CCDC171: variants seen among roughly 807,000 people sequenced by gnomAD.
The protein encoded by CCDC171 is coiled-coil domain-containing protein 171.
Under a neutral mutation model 168.2 loss-of-function variants are expected in CCDC171, and 177 were observed. That is an observed-to-expected ratio of 1.05 (90% CI 0.93 to 1.19). The LOEUF is 1.19. Among genes scored for constraint, CCDC171 ranks in the 50% most tolerant of loss-of-function variants. The pLI is 0.00. For missense variants in CCDC171, 1,991 were observed against 1,539.0 expected (o/e 1.29, Z -4.91); for synonymous variants, 687 against 540.8 (o/e 1.27, Z -3.75).
chr9:15,854,224 G>T (rs1401182833), intron 23 of CCDC171, among the ~76,000 whole-genome samples: 1 of 150,974 alleles, frequency 6.6e-6, no homozygotes, highest in Non-Finnish European at 1.5e-5. Context: ...GAAACTTTCT[G>T]GGCCTGGACT....
At chr9:15,580,675 A>G (rs994687882) in intron 4 of CCDC171, among the ~76,000 whole-genome samples, 2 of 152,226 alleles carry the variant, frequency 1.3e-5, no homozygotes, top group East Asian at 1.9e-4. Context: ...CAAAAGCGCA[A>G]TGAGATACCA....
intron 18 of CCDC171, among the ~76,000 whole-genome samples, chr9:15,773,066 A>G (rs1212673488): frequency 5.3e-5 from 8 of 152,012 alleles, no homozygotes; most frequent in Non-Finnish European, 1.0e-4. Context: ...CATTATTTTA[A>G]ACGTTACTAA....
At chr9:16,029,546 G>C (rs1833333808) in intron 6 of CCDC171, among the ~76,000 whole-genome samples, 1 of 152,232 alleles carries the variant, frequency 6.6e-6, no homozygotes, top group Non-Finnish European at 1.5e-5. Flanking sequence ...GGGGCAGTAG[G>C]AGTGCTCTGT....
At chr9:15,822,155 T>C (rs1299845642) in intron 21 of CCDC171, among the ~76,000 whole-genome samples, 1 of 152,186 alleles carries the variant, frequency 6.6e-6, no homozygotes, top group African/African-American at 2.4e-5. Context: ...ACTGGATCCC[T>C]TCCTTACACC....
chr9:15,744,479 A>T lies in CCDC171; in HGVS notation c.2256A>T (p.Arg752Ser). ...YSRSCALSTQ[R>S]DFLQEQVNTF... ...GATCATGCGCCTTGTCTACACAGAG[A>T]GATTTTCTCCAGGAGCAGGTCAACA... The change falls in exon 17 of 26, where the codon AGA (arginine) becomes AGT (serine). Residue 752 changes from arginine to serine, a missense_variant. Arg to Ser is a moderately radical substitution (Grantham distance 110). Transcript: ENST00000380701. 6.2e-7 allele frequency: 1 copy of T among 1,614,178 alleles called. No individual in the cohort carries two copies. The highest frequency in any genetic ancestry group is 1.1e-5 in the South Asian group (1 of 91,080).
chr9:15,917,058 G>A (rs1371336412), intron 24 of CCDC171, among the ~76,000 whole-genome samples: 1 of 151,890 alleles, frequency 6.6e-6, no homozygotes, highest in African/African-American at 2.4e-5. Flanking sequence ...TGTCGTAGAG[G>A]GTTAGACAGT....
chr9:15,949,017 A>G (rs1828780959), intron 25 of CCDC171, among the ~76,000 whole-genome samples: 1 of 152,120 alleles, frequency 6.6e-6, no homozygotes, highest in African/African-American at 2.4e-5. Flanking sequence ...TAAGGAAGGG[A>G]TCCAGTTTCA....
chr9:15,605,515 TAAA>T (rs71325923), intron 6 of CCDC171, among the ~76,000 whole-genome samples: 3 of 99,150 alleles, frequency 3.0e-5, no homozygotes, highest in Admixed American at 1.1e-4. Context: ...CTGTCTCTAC[TAAA>T]AAAAAAAAAA....
At chr9:15,553,742 C>G (rs994243878) in intron 1 of CCDC171, 6 of 152,194 alleles carry the variant, frequency 3.9e-5, no homozygotes, top group African/African-American at 1.2e-4. Flanking sequence ...CAGCTTCTAC[C>G]TACCCTCCAG....
At chr9:15,789,431 T>C (rs1475600245) in intron 21 of CCDC171, among the ~76,000 whole-genome samples, 2 of 152,132 alleles carry the variant, frequency 1.3e-5, no homozygotes, top group Non-Finnish European at 2.9e-5. Flanking sequence ...AGCTCCGACA[T>C]TAAGAAATTG....
intron 24 of CCDC171, among the ~76,000 whole-genome samples, chr9:15,878,692 A>G (rs952274459): frequency 6.6e-6 from 1 of 152,218 alleles, no homozygotes; most frequent in African/African-American, 2.4e-5. Context: ...TGTTCACTGT[A>G]GCACTAGTCA....
chr9:15,897,738 T>C (rs756255762), intron 24 of CCDC171, among the ~76,000 whole-genome samples: 1 of 152,178 alleles, frequency 6.6e-6, no homozygotes, highest in Non-Finnish European at 1.5e-5. Flanking sequence ...ATTGTTGTTA[T>C]ATGAATGTTG....
intron 21 of CCDC171, among the ~76,000 whole-genome samples, chr9:15,786,500 C>T (rs1055829344): frequency 6.6e-6 from 1 of 151,970 alleles, no homozygotes; most frequent in African/African-American, 2.4e-5. Flanking sequence ...AATAAAAATA[C>T]AATCATACTA....
chr9:16,095,525 A>T, the CCDC171 span, among the ~76,000 whole-genome samples: 8 of 151,384 alleles, frequency 5.3e-5, no homozygotes, highest in Admixed American at 1.3e-4. Flanking sequence ...CTTCTCTCTC[A>T]CACACACGCT....
intron 4 of CCDC171, among the ~76,000 whole-genome samples, chr9:15,588,098 G>A (rs1429366594): frequency 1.3e-5 from 2 of 152,152 alleles, no homozygotes; most frequent in Non-Finnish European, 2.9e-5. Context: ...AGCCAGGCGT[G>A]GTGGCAAGTG....
intron 1 of CCDC171, among the ~76,000 whole-genome samples, chr9:15,558,574 G>T (rs1586943643): frequency 6.6e-6 from 1 of 152,122 alleles, no homozygotes; most frequent in South Asian, 2.1e-4. Flanking sequence ...GGGATCAGTG[G>T]TGATATCCCC....
At chr9:15,924,115 G>A (rs1458168260) in intron 25 of CCDC171, among the ~76,000 whole-genome samples, 1 of 151,308 alleles carries the variant, frequency 6.6e-6, no homozygotes, top group Non-Finnish European at 1.5e-5. Context: ...TCAAAGAAGG[G>A]AAAATCTTCT....
Position 15,629,208 on chromosome 9 carries a change from A to G in CCDC171, c.822+5795A>G, listed in dbSNP as rs1192727668. 3.9e-5 allele frequency among the ~76,000 whole-genome samples: 6 copies of G among 152,276 alleles called. No individual in the cohort carries two copies. In the East Asian group the frequency reaches 1.2e-3, roughly 29 times the overall value. On this transcript the variant is annotated intron_variant, in intron 7 of 25. Coordinates refer to ENST00000380701, the MANE Select transcript of CCDC171 (RefSeq NM_173550.4). Reference sequence around the variant, plus strand: ...ATGACTTTGACGAGTTGAGAGAAGAAGGCTTCAGACGATCAAACTACTCCG... The same window carrying G: ...ATGACTTTGACGAGTTGAGAGAAGAGGGCTTCAGACGATCAAACTACTCCG...
rs971899498 is a variant in CCDC171 at position 15,973,862 on chromosome 9, T to C, written c.*2026T>C. On this transcript the variant is annotated 3_prime_UTR_variant, in exon 26 of 26. Transcript: ENST00000380701. ...ACAAGGTTACTATATGTAACCTCTA[T>C]GTCTAAGTGTTTGTGTGTGTGTATG... The C allele has an allele frequency of 6.6e-6, 1 of 152,172 alleles. No homozygotes were observed. 9.4% of individuals were successfully genotyped at this position (152,172 alleles called of 1,614,324 possible).
Sources: allele counts gnomAD v4.1 joint callset (sites outside exome capture counted in the v4.1 genomes callset), GRCh38; gene constraint gnomAD v4.1.1; transcripts MANE v1.5; gene names NCBI Gene and HGNC (gene_info 2026-07-23, HGNC 2026-07-21).